The following GRIK1 variants were observed in gnomAD, a reference collection of about 807,000 sequenced individuals.
GRIK1 encodes the protein glutamate ionotropic receptor kainate type subunit 1.
A neutral mutation model predicts 105.7 loss-of-function variants in GRIK1; 69 were observed. The ratio of observed to expected loss-of-function variants is 0.65; its 90% CI spans 0.54 to 0.80. The LOEUF is 0.80. Among genes scored for constraint, GRIK1 ranks in the 30% least tolerant of loss-of-function variants. The pLI is 0.00. For synonymous variants in GRIK1, 438 were observed against 431.3 expected (o/e 1.02, Z -0.19); for missense variants, 1,109 against 1,167.3 (o/e 0.95, Z 0.73).
intron 1 of GRIK1, among the ~76,000 whole-genome samples, chr21:29,804,575 C>T (rs1382380807): frequency 2.0e-5 from 3 of 152,074 alleles, no homozygotes; most frequent in African/African-American, 4.8e-5. Flanking sequence ...GATGTTGAGG[C>T]TAATGTTTTT....
At chr21:29,623,856 G>A (rs2062062613) in intron 7 of GRIK1, among the ~76,000 whole-genome samples, 1 of 152,144 alleles carries the variant, frequency 6.6e-6, no homozygotes, top group Non-Finnish European at 1.5e-5. Context: ...CAGAATAATT[G>A]TCTAATGCCA....
intron 1 of GRIK1, among the ~76,000 whole-genome samples, chr21:29,839,874 G>T: frequency 6.6e-6 from 1 of 152,202 alleles, no homozygotes; most frequent in East Asian, 1.9e-4. Flanking sequence ...GAAGGTGATA[G>T]TTGACCTCAG....
At chr21:29,592,577 A>G (rs921170721) in intron 9 of GRIK1, among the ~76,000 whole-genome samples, 1 of 152,238 alleles carries the variant, frequency 6.6e-6, no homozygotes, top group Admixed American at 6.5e-5. Context: ...TTTTAGAGCC[A>G]GGAAGACCTT....
intron 7 of GRIK1, among the ~76,000 whole-genome samples, chr21:29,623,333 C>T (rs2062050538): frequency 6.6e-6 from 1 of 152,008 alleles, no homozygotes; most frequent in Admixed American, 6.5e-5. Context: ...GGGTCCTTCC[C>T]ATGACACATG....
rs747583278 is a variant in GRIK1 at position 29,581,479 on chromosome 21, T to G, written c.1858A>C (p.Asn620His). The change falls in exon 13 of 18, where the codon AAT (asparagine) becomes CAT (histidine). Residue 620 changes from asparagine to histidine, a missense_variant. Coordinates refer to ENST00000327783, the MANE Select transcript of GRIK1 (RefSeq NM_001330994.2). ...CNPDSDVVEN[N>H]FTLLNSFWFG... ...CAGAAACTATTTAGTAAAGTAAAAT[T>G]GTTTTCCACCACGTCTGAGTCAGGG... The G allele has an allele frequency of 8.7e-6, 14 of 1,613,228 alleles. No individual in the cohort carries two copies. Among genetic ancestry groups the G allele is most frequent in the Non-Finnish European group, 1.1e-5 (13 of 1,179,430 alleles).
chr21:29,917,796 T>C (rs2071049541), intron 1 of GRIK1, among the ~76,000 whole-genome samples: 1 of 152,080 alleles, frequency 6.6e-6, no homozygotes, highest in African/African-American at 2.4e-5. Context: ...TTTCATCTTA[T>C]ATATGTGATT....
At chr21:29,559,768 G>A (rs749012335) in intron 15 of GRIK1, among the ~76,000 whole-genome samples, 1 of 152,082 alleles carries the variant, frequency 6.6e-6, no homozygotes, top group East Asian at 1.9e-4. Flanking sequence ...TAATGAATTT[G>A]TTGCTAAATA....
intron 14 of GRIK1, 143 bp from the exon 15 acceptor site, chr21:29,561,992 G>T: frequency 1.6e-6 from 1 of 627,692 alleles, no homozygotes; most frequent in South Asian, 1.9e-5. Flanking sequence ...TGATCTCAAG[G>T]CTTCACTTTT....
At chr21:29,844,796 T>A (rs929180635) in intron 1 of GRIK1, among the ~76,000 whole-genome samples, 4 of 152,238 alleles carry the variant, frequency 2.6e-5, no homozygotes, top group African/African-American at 9.6e-5. Flanking sequence ...TAAATACTTT[T>A]CATAGTTGAT....
At chr21:29,575,430 A>G (rs2090866884) in intron 14 of GRIK1, among the ~76,000 whole-genome samples, 1 of 152,178 alleles carries the variant, frequency 6.6e-6, no homozygotes, top group Non-Finnish European at 1.5e-5. Flanking sequence ...AATGCAACTT[A>G]TACCTCCTAA....
chr21:29,656,354 C>CAAAAAAAAAAAAAAAAAAAA lies in GRIK1; in HGVS notation c.727-1511_727-1492dup, dbSNP rs3054331. ...CCAGCCTGGGGGCCAGAGCGAGACT[C>CAAAAAAAAAAAAAAAAAAAA]AAAAAAAAAAAAAAAAAAAAAAAAA... On this transcript the variant is annotated intron_variant, in intron 4 of 17. Coordinates refer to ENST00000327783, the MANE Select transcript of GRIK1 (RefSeq NM_001330994.2). 2.5e-4 allele frequency among the ~76,000 whole-genome samples: 13 copies of CAAAAAAAAAAAAAAAAAAAA among 51,164 alleles called. 1 individual carries two copies. The highest frequency in any genetic ancestry group is 9.2e-4 in the South Asian group (1 of 1,082). The allele number at this position is 51,164 out of a possible 152,430, so 33.6% of individuals were successfully genotyped here. A position where few individuals can be genotyped will look rare whatever the true frequency, so the allele number is the denominator to read the frequency against.
In GRIK1 at chr21:29,689,672, C is replaced by T. The variant is rs1356771710; in HGVS notation, c.544+56G>A. ...GAGTTTAATGACTATTTGATACTTT[C>T]GTTCTGTTTGTTCAGAGCAGACATG... On this transcript the variant is annotated intron_variant, in intron 3 of 17. Transcript: ENST00000327783. 2.4e-5 allele frequency: 36 copies of T among 1,527,200 alleles called. No homozygotes were observed. The South Asian group carries it at 2.8e-4, about 12-fold the overall frequency. The allele number at this position is 1,527,200 out of a possible 1,614,324, so 94.6% of individuals were successfully genotyped here.
intron 6 of GRIK1, 70 bp from the exon 7 acceptor site, chr21:29,643,039 T>G (rs538972491): frequency 7.0e-7 from 1 of 1,428,342 alleles, no homozygotes; most frequent in South Asian, 1.2e-5. Context: ...GCATAATCAC[T>G]CTCCCTGCTT....
intron 1 of GRIK1, among the ~76,000 whole-genome samples, chr21:29,926,723 G>A (rs943226588): frequency 1.1e-4 from 16 of 151,786 alleles, no homozygotes; most frequent in African/African-American, 3.6e-4. Context: ...ATAGATTTCT[G>A]GGTCTGATTT....
At chr21:29,855,341 G>C (rs2068431703) in intron 1 of GRIK1, among the ~76,000 whole-genome samples, 1 of 152,204 alleles carries the variant, frequency 6.6e-6, no homozygotes, top group Admixed American at 6.5e-5. Context: ...GTACTACACA[G>C]TCTGTCTGCA....
At chr21:29,905,760 G>A (rs2070609693) in intron 1 of GRIK1, among the ~76,000 whole-genome samples, 1 of 147,508 alleles carries the variant, frequency 6.8e-6, no homozygotes, top group African/African-American at 2.5e-5. Context: ...CGAAGTAGCT[G>A]GGACTACAGG....
Position 29,537,206 on chromosome 21 carries a change from T to A in GRIK1, c.*24A>T. ...AAATCTGTAGGGAATGCATCCTTTT[T>A]CTTCCTACAGGCGTTTCCTTGGATC... On this transcript the variant is annotated 3_prime_UTR_variant, in exon 18 of 18. Transcript: ENST00000327783. 6.5e-7 allele frequency: 1 copy of A among 1,543,366 alleles called. No individual in the cohort carries two copies. The highest frequency in any genetic ancestry group is 8.7e-7 in the Non-Finnish European group (1 of 1,148,352).
At chr21:29,598,212 T>C (rs1388277567) in intron 8 of GRIK1, among the ~76,000 whole-genome samples, 1 of 152,228 alleles carries the variant, frequency 6.6e-6, no homozygotes, top group Non-Finnish European at 1.5e-5. Context: ...TAGTTTACAT[T>C]GGAATTACTC....
At chr21:29,827,193 A>G (rs1468044628) in intron 1 of GRIK1, among the ~76,000 whole-genome samples, 2 of 152,112 alleles carry the variant, frequency 1.3e-5, no homozygotes, top group Admixed American at 1.3e-4. Flanking sequence ...AGTGAGAATC[A>G]AGTTGAAGAG....
Sources: gnomAD v4.1 joint callset for allele counts (sites outside exome capture counted in the v4.1 genomes callset) on GRCh38, gnomAD v4.1.1 for gene constraint, MANE v1.5 for transcripts, NCBI Gene and HGNC (gene_info 2026-07-23, HGNC 2026-07-21) for gene names.